Variants in ZMAT1 observed in about 807,000 individuals in gnomAD.
The protein encoded by ZMAT1 is zinc finger matrin-type 1.
ZMAT1 carries 11 observed loss-of-function variants against 18.5 expected under a neutral mutation model. That is an observed-to-expected ratio of 0.59 (90% CI 0.37 to 0.98). The LOEUF (loss-of-function observed/expected upper bound fraction) is 0.98, where lower values mean the gene tolerates loss of function less well. Among genes scored for constraint, ZMAT1 ranks in the 50% least tolerant of loss-of-function variants. ZMAT1 has a pLI of 0.01. For synonymous variants in ZMAT1, 211 were observed against 176.4 expected (o/e 1.20, Z -1.55); for missense variants, 525 against 496.2 (o/e 1.06, Z -0.55).
At chrX:101,928,885 C>T (rs1480040322) in intron 1 of ZMAT1, among the ~76,000 whole-genome samples, 1 of 110,933 alleles carries the variant, frequency 9.0e-6, no homozygotes, top group Non-Finnish European at 1.9e-5. Flanking sequence ...TATATCAGAA[C>T]ATTATTCCTG....
intron 4 of ZMAT1, chrX:101,887,324 T>G: frequency 1.5e-6 from 1 of 679,656 alleles, no homozygotes; most frequent in African/African-American, 2.4e-5. Context: ...AACTACTAGT[T>G]ACCACTTCAA....
intron 4 of ZMAT1, among the ~76,000 whole-genome samples, chrX:101,897,461 C>T (rs1253805061): frequency 9.9e-6 from 1 of 101,043 alleles, no homozygotes; most frequent in African/African-American, 3.7e-5. Flanking sequence ...GCACAATGTG[C>T]ACATGTACCC....
chrX:101,904,742 A>G (rs2085900359), intron 1 of ZMAT1, among the ~76,000 whole-genome samples: 1 of 110,858 alleles, frequency 9.0e-6, no homozygotes, highest in Non-Finnish European at 1.9e-5. Context: ...CAGGAGTTTG[A>G]GAACAGCCTG....
chrX:101,929,856 C>T (rs754683174), intron 1 of ZMAT1, among the ~76,000 whole-genome samples: 7 of 111,459 alleles, frequency 6.3e-5, no homozygotes, highest in Non-Finnish European at 1.1e-4. Flanking sequence ...ACTTTCAGAT[C>T]TGAAATCAAC....
At chrX:101,908,421 A>C (rs1299944490) in intron 1 of ZMAT1, among the ~76,000 whole-genome samples, 1 of 111,834 alleles carries the variant, frequency 8.9e-6, no homozygotes, top group African/African-American at 3.3e-5. Context: ...TCTACACAGA[A>C]AAAAATACCT....
At chrX:101,909,531 C>A (rs1393424459) in intron 1 of ZMAT1, among the ~76,000 whole-genome samples, 1 of 111,742 alleles carries the variant, frequency 8.9e-6, no homozygotes, top group Non-Finnish European at 1.9e-5. Flanking sequence ...GGGCCAGAGG[C>A]GAGCTCACAG....
rs577026279 is a variant in ZMAT1, at chrX:101,894,343, G to A, written c.676+3525C>T. The A allele has an allele frequency of 2.4e-4, 146 of 611,967 alleles. No homozygotes were observed. The South Asian group carries it at 8.8e-3, about 37-fold the overall frequency. The allele number at this position is 611,967 out of a possible 1,213,427, so 50.4% of individuals were successfully genotyped here. A position where few individuals can be genotyped will look rare whatever the true frequency, so the allele number is the denominator to read the frequency against. On this transcript the variant is annotated intron_variant, in intron 4 of 5. Transcript: ENST00000651725. ...GAGGACCTGAACTAATGTGGGAAGC[G>A]CAGGGCTGGAGATAAGGGGAGAGTA...
chrX:101,895,172 C>T (rs1366262696), intron 4 of ZMAT1, among the ~76,000 whole-genome samples: 1 of 111,655 alleles, frequency 9.0e-6, no homozygotes, highest in East Asian at 2.8e-4. Flanking sequence ...TTATTATTAA[C>T]CTAACTAGTT....
intron 1 of ZMAT1, chrX:101,918,514 TG>T (rs1929507938): frequency 1.9e-5 from 2 of 107,305 alleles, no homozygotes; most frequent in South Asian, 8.4e-4. Flanking sequence ...GGTGCGCACC[TG>T]TAGTCCCAGC....
chrX:101,899,005 G>A (rs1004019734), intron 2 of ZMAT1, among the ~76,000 whole-genome samples: 11 of 110,483 alleles, frequency 1.0e-4, no homozygotes, highest in Non-Finnish European at 2.1e-4. Flanking sequence ...CCGAGATTGC[G>A]CCACTGCACT....
chrX:101,886,518 G>T, intron 5 of ZMAT1, 114 bp downstream of exon 5: 1 of 484,790 alleles, frequency 2.1e-6, no homozygotes. Context: ...ACCATACCCA[G>T]GTTAAACCCA....
At chrX:101,903,726 T>A (rs1452521493) in intron 2 of ZMAT1, among the ~76,000 whole-genome samples, 1 of 112,010 alleles carries the variant, frequency 8.9e-6, no homozygotes, top group East Asian at 2.8e-4. Context: ...TTTTCTAATC[T>A]ATAAACTAAG....
At chrX:101,919,486 A>G (rs915545540) in intron 1 of ZMAT1, among the ~76,000 whole-genome samples, 4 of 111,955 alleles carry the variant, frequency 3.6e-5, no homozygotes, top group Non-Finnish European at 7.5e-5. Flanking sequence ...TTATGCATAC[A>G]TAACGGTTCC....
chrX:101,884,118 G>A lies in ZMAT1; in HGVS notation c.1480C>T (p.His494Tyr). ...NREMVDVRPR[H>Y]RMLEQKLPCE... is the part of the protein sequence containing the mutation. Reference sequence around the variant, plus strand: ...GGGAGCTTTTGCTCCAACATTCTATGTCTGGGTCTGACATCAACCATTTCT... The same window carrying A: ...GGGAGCTTTTGCTCCAACATTCTATATCTGGGTCTGACATCAACCATTTCT... The change falls in exon 6 of 6, where the codon CAT becomes TAT. Residue 494 changes from histidine to tyrosine, a missense_variant. Physicochemically the swap from His to Tyr is moderately conservative, Grantham distance 83 (BLOSUM62 2). Transcript: ENST00000651725. The A allele has an allele frequency of 2.5e-6, 3 of 1,209,382 alleles. No individual in the cohort carries two copies. The highest frequency in any genetic ancestry group is 1.8e-5 in the South Asian group (1 of 56,971).
intron 1 of ZMAT1, among the ~76,000 whole-genome samples, chrX:101,910,505 A>G (rs1461181764): frequency 8.9e-6 from 1 of 112,774 alleles, no homozygotes; most frequent in Admixed American, 9.4e-5. Flanking sequence ...AGCTGTGTTG[A>G]GGAAACTCAA....
intron 4 of ZMAT1, among the ~76,000 whole-genome samples, chrX:101,895,586 T>C (rs1184581919): frequency 8.9e-6 from 1 of 111,736 alleles, no homozygotes; most frequent in Non-Finnish European, 1.9e-5. Context: ...GATAATTTTA[T>C]GTTTACCATT....
intron 1 of ZMAT1, among the ~76,000 whole-genome samples, chrX:101,910,307 A>G (rs966353848): frequency 2.7e-5 from 3 of 112,279 alleles, no homozygotes; most frequent in African/African-American, 9.7e-5. Flanking sequence ...AAGGACAGCT[A>G]CAAATAAGCC....
intron 1 of ZMAT1, among the ~76,000 whole-genome samples, chrX:101,929,423 T>TTATATATATATATATA (rs771032732): frequency 1.4e-5 from 1 of 71,299 alleles, no homozygotes; most frequent in African/African-American, 4.7e-5. Context: ...TAGAGAGAGA[T>TTATATATATATATATA]TATATATATA....
At chrX:101,914,267 C>T (rs1010862001) in intron 1 of ZMAT1, among the ~76,000 whole-genome samples, 25 of 110,276 alleles carry the variant, frequency 2.3e-4, no homozygotes, top group Non-Finnish European at 1.7e-4. Context: ...AGTAAATAAT[C>T]AAATGATGGA....
Sources: gnomAD v4.1 joint callset for allele counts (sites outside exome capture counted in the v4.1 genomes callset) on GRCh38, gnomAD v4.1.1 for gene constraint, MANE v1.5 for transcripts, NCBI Gene and HGNC (gene_info 2026-07-23, HGNC 2026-07-21) for gene names.